Variants in UBE2W observed in about 807,000 individuals in gnomAD.
The protein encoded by UBE2W is ubiquitin conjugating enzyme E2 W.
Under a neutral mutation model 27.2 loss-of-function variants are expected in UBE2W, and 18 were observed. The observed-to-expected ratio is 0.66, with a 90% CI of 0.46 to 0.98. UBE2W has a LOEUF of 0.98. Among genes scored for constraint, UBE2W ranks in the 50% least tolerant of loss-of-function variants. UBE2W has a pLI of 0.00. For missense variants in UBE2W, 90 were observed against 180.2 expected (o/e 0.50, Z 2.87); for synonymous variants, 53 against 57.2 (o/e 0.93, Z 0.33).
intron 1 of UBE2W, among the ~76,000 whole-genome samples, chr8:73,852,405 A>G (rs1405273812): frequency 6.6e-6 from 1 of 152,122 alleles, no homozygotes; most frequent in African/African-American, 2.4e-5. Context: ...GGAAATGAAC[A>G]CTCCAAATGA....
intron 1 of UBE2W, among the ~76,000 whole-genome samples, chr8:73,869,596 C>T (rs1255252018): frequency 6.6e-6 from 1 of 152,094 alleles, no homozygotes; most frequent in African/African-American, 2.4e-5. Context: ...GAGGCTGAAG[C>T]AGAAGAATTG....
intron 5 of UBE2W, among the ~76,000 whole-genome samples, chr8:73,798,941 A>G (rs759127293): frequency 7.3e-5 from 11 of 151,438 alleles, no homozygotes; most frequent in Non-Finnish European, 1.2e-4. Context: ...TTTTTTTTTA[A>G]CCCTATTCTC....
At chr8:73,841,693 C>G (rs1002595784) in intron 1 of UBE2W, among the ~76,000 whole-genome samples, 1 of 152,058 alleles carries the variant, frequency 6.6e-6, no homozygotes, top group South Asian at 2.1e-4. Flanking sequence ...AGTATATACC[C>G]CGGATAATTA....
downstream of UBE2W, chr8:73,786,089 CTA>C (rs959122864): frequency 3.2e-5 from 17 of 531,440 alleles, no homozygotes; most frequent in Admixed American, 1.3e-4. Flanking sequence ...TTTTTAAACT[CTA>C]TGTCAGGTTT....
chr8:73,870,348 A>T (rs1418018673), intron 1 of UBE2W: 1 of 1,544,614 alleles, frequency 6.5e-7, no homozygotes, highest in East Asian at 2.4e-5. Context: ...TCATAAAGGA[A>T]ATCTATTTTT....
chr8:73,843,779 CAA>C (rs11336925), intron 1 of UBE2W, among the ~76,000 whole-genome samples: 24,567 of 121,416 alleles, frequency 0.2, 2,380 homozygotes, highest in African/African-American at 0.3. Context: ...GTAGAGACAC[CAA>C]AAAAAAAAAA....
At position 73,805,697 on chromosome 8, in the gene UBE2W, C is replaced by T; in HGVS notation, c.396G>A (p.Val132=). The T allele has an allele frequency of 6.5e-7, 1 of 1,536,298 alleles. No individual in the cohort carries two copies. The highest frequency in any genetic ancestry group is 1.3e-5 in the South Asian group (1 of 76,480). Residue 132 remains valine, a synonymous_variant, in exon 5 of 6, where the codon GTG becomes GTA. Coordinates refer to ENST00000602593, the MANE Select transcript of UBE2W (RefSeq NM_018299.6). ...TCTTTGGATTCTTGTTACATGTTCG[C>T]ACATAAAAAGAATTATCCGGTGGTC... ...KRRPPDNSFY[V]RTCNKNPKKT...
In UBE2W at chr8:73,793,756, G is replaced by T; in HGVS notation, c.*346C>A. 1 of 1,035,138 alleles carries T rather than the reference G, an allele frequency of 9.7e-7. No individual in the cohort carries two copies. 64.1% of individuals were successfully genotyped at this position (1,035,138 alleles called of 1,614,324 possible). ...TGTTACAACGCCCATTGCCGGCAAT[G>T]AACGTACCAAAACCGCCAAGGAAGT... is the stretch of plus-strand genomic sequence containing the variant. On this transcript the variant is annotated 3_prime_UTR_variant, in exon 6 of 6. Transcript: ENST00000602593.
intron 2 of UBE2W, among the ~76,000 whole-genome samples, chr8:73,826,541 T>C (rs1359898070): frequency 5.3e-5 from 8 of 152,216 alleles, no homozygotes. Flanking sequence ...ATAATAAATG[T>C]ACCTATTCTC....
intron 1 of UBE2W, among the ~76,000 whole-genome samples, chr8:73,868,379 T>C (rs1811865213): frequency 6.6e-6 from 1 of 152,348 alleles, no homozygotes; most frequent in South Asian, 2.1e-4. Flanking sequence ...TCATGACCCT[T>C]ACAAACCTCA....
intron 5 of UBE2W, chr8:73,795,824 G>A (rs1808387305): frequency 2.0e-6 from 2 of 979,266 alleles, no homozygotes; most frequent in Non-Finnish European, 2.4e-6. Flanking sequence ...GCTCACGCCT[G>A]TAATTCCAGC....
chr8:73,785,668 T>C (rs888391451), downstream of UBE2W, among the ~76,000 whole-genome samples: 1 of 152,162 alleles, frequency 6.6e-6, no homozygotes, highest in African/African-American at 2.4e-5. Context: ...CTTAGTTCAC[T>C]GCAACCTCTG....
At chr8:73,796,429 A>G (rs1044019918) in intron 5 of UBE2W, among the ~76,000 whole-genome samples, 2 of 152,250 alleles carry the variant, frequency 1.3e-5, no homozygotes, top group African/African-American at 4.8e-5. Flanking sequence ...CTCCAAAGAC[A>G]TACCATCTTT....
At chr8:73,821,609 G>A in intron 3 of UBE2W, among the ~76,000 whole-genome samples, 1 of 145,218 alleles carries the variant, frequency 6.9e-6, no homozygotes, top group Non-Finnish European at 1.5e-5. Flanking sequence ...TAACCAGTGA[G>A]ATAACTGTGC....
chr8:73,846,664 GA>G (rs557662154), intron 1 of UBE2W, among the ~76,000 whole-genome samples: 139 of 152,204 alleles, frequency 9.1e-4, no homozygotes, highest in African/African-American at 3.1e-3. Context: ...TTTTGGATGG[GA>G]TAAGAATATG....
At chr8:73,796,739 T>A in intron 5 of UBE2W, 1 of 806,228 alleles carries the variant, frequency 1.2e-6, no homozygotes, top group Non-Finnish European at 1.5e-6. Context: ...TAGATACAAC[T>A]ATGAGCCAAA....
intron 5 of UBE2W, chr8:73,795,758 A>G (rs1808384176): frequency 1.2e-5 from 12 of 981,716 alleles, no homozygotes; most frequent in African/African-American, 1.7e-5. Context: ...CTTTAAGAAA[A>G]CAAGTAGTTT....
intron 1 of UBE2W, among the ~76,000 whole-genome samples, chr8:73,870,067 CA>C (rs1244934216): frequency 6.6e-6 from 1 of 152,124 alleles, no homozygotes; most frequent in Non-Finnish European, 1.5e-5. Context: ...AAATGTTCTG[CA>C]AACAGCAGTG....
At chr8:73,852,898 A>C (rs912826853) in intron 1 of UBE2W, among the ~76,000 whole-genome samples, 1 of 152,192 alleles carries the variant, frequency 6.6e-6, no homozygotes, top group African/African-American at 2.4e-5. Context: ...ATTTCTTCAA[A>C]ATGTAAGCAA....
Sources: gnomAD v4.1 joint callset for allele counts (sites outside exome capture counted in the v4.1 genomes callset) on GRCh38, gnomAD v4.1.1 for gene constraint, MANE v1.5 for transcripts, NCBI Gene and HGNC (gene_info 2026-07-23, HGNC 2026-07-21) for gene names.